Variants in SYCP2L observed in about 807,000 individuals in gnomAD.
SYCP2L encodes the protein synaptonemal complex protein 2 like.
A neutral mutation model predicts 125.8 loss-of-function variants in SYCP2L; 98 were observed. The ratio of observed to expected loss-of-function variants is 0.78; its 90% CI spans 0.66 to 0.92. SYCP2L has a LOEUF of 0.92. Ranked by LOEUF, SYCP2L falls within the 40% of genes least tolerant of loss-of-function variation. The probability of loss-of-function intolerance (pLI) is 0.00; values close to 1 mark genes in which losing one functional copy is unlikely to be tolerated. For missense variants in SYCP2L, 842 were observed against 936.4 expected (o/e 0.90, Z 1.32); for synonymous variants, 317 against 325.4 (o/e 0.97, Z 0.28).
At chr6:10,930,124 C>A (rs1181768294) in intron 18 of SYCP2L, 11 of 317,022 alleles carry the variant, frequency 3.5e-5, no homozygotes, top group Admixed American at 2.4e-4. Context: ...TCCACCATCT[C>A]TTCTGTTGCA....
intron 29 of SYCP2L, among the ~76,000 whole-genome samples, chr6:10,967,247 C>A (rs1466480790): frequency 6.6e-6 from 1 of 151,862 alleles, no homozygotes; most frequent in Non-Finnish European, 1.5e-5. Flanking sequence ...AATAAGTAAT[C>A]CATAAACAAA....
chr6:10,910,177 C>T lies in SYCP2L; in HGVS notation c.849C>T (p.Asn283=), dbSNP rs1461206910. ...TDSRRFLNHL[N]NRLGDQRRVY... ...GTAGACGTTTTCTCAATCACCTAAACAACAGACTTGGTGACCAAAGAAGGT... is the reference window on the plus strand; with the variant it reads ...GTAGACGTTTTCTCAATCACCTAAATAACAGACTTGGTGACCAAAGAAGGT... Residue 283 remains asparagine, a synonymous_variant, in exon 11 of 30, where the codon AAC becomes AAT. Coordinates refer to ENST00000283141, the MANE Select transcript of SYCP2L (RefSeq NM_001040274.3). The T allele has an allele frequency of 6.2e-7, 1 of 1,613,774 alleles. No individual in the cohort carries two copies. The highest frequency in any genetic ancestry group is 8.5e-7 in the Non-Finnish European group (1 of 1,179,870).
rs1477489548 is a variant in SYCP2L at position 10,961,287 on chromosome 6, T to A, written c.2256-18T>A. The stretch of plus-strand genomic sequence containing the variant: ...TCCAAGCGATCCCAATGATATTTAC[T>A]GCTTTTATGTTTATTAGACTCAATA... On this transcript the variant is annotated intron_variant, in intron 26 of 29. Coordinates refer to ENST00000283141, the MANE Select transcript of SYCP2L (RefSeq NM_001040274.3). 7.5e-6 allele frequency: 12 copies of A among 1,599,906 alleles called. No homozygotes were observed. The highest frequency in any genetic ancestry group is 1.7e-4 in the Middle Eastern group (1 of 6,038).
At chr6:10,917,807 G>A (rs1780716701) in intron 14 of SYCP2L, among the ~76,000 whole-genome samples, 1 of 152,144 alleles carries the variant, frequency 6.6e-6, no homozygotes. Context: ...AAGATTTAGA[G>A]CTCCTTTTAG....
chr6:10,962,487 G>C (rs1344921637), intron 28 of SYCP2L, among the ~76,000 whole-genome samples: 3 of 152,094 alleles, frequency 2.0e-5, no homozygotes, highest in Non-Finnish European at 4.4e-5. Flanking sequence ...ATGGTTGGTA[G>C]TTAGTGGTTC....
chr6:10,924,542 G>C lies in SYCP2L; in HGVS notation c.1119G>C (p.Met373Ile). The C allele has an allele frequency of 6.2e-7, 1 of 1,600,300 alleles. No individual in the cohort carries two copies. Among genetic ancestry groups the C allele is most frequent in the Non-Finnish European group, 8.5e-7 (1 of 1,176,306 alleles). ...TTATCATTTACCTGAAGAAGCCCAT[G>C]ATTATCAGCTACAAAGAAGTCATGA... ...KIFIIYLKKP[M>I]IISYKEVMKI... Residue 373 changes from methionine to isoleucine, a missense_variant, in exon 15 of 30, where the codon ATG becomes ATC. Met to Ile is a conservative substitution (Grantham distance 10). Coordinates refer to ENST00000283141, the MANE Select transcript of SYCP2L (RefSeq NM_001040274.3).
At chr6:10,950,907 A>C (rs1581841154) in intron 23 of SYCP2L, among the ~76,000 whole-genome samples, 1 of 151,944 alleles carries the variant, frequency 6.6e-6, no homozygotes, top group Non-Finnish European at 1.5e-5. Flanking sequence ...GCAATCTGTC[A>C]CCTCAGCCTC....
At chr6:10,971,611 ATTCTTCCAAAGATTATTGT>A (rs1328130415) in intron 29 of SYCP2L, among the ~76,000 whole-genome samples, 1 of 152,202 alleles carries the variant, frequency 6.6e-6, no homozygotes, top group African/African-American at 2.4e-5. Flanking sequence ...TTGGGAGTAT[ATTCTTCCAAAGATTATTGT>A]GATGCTTACA....
At position 10,931,364 on chromosome 6, in the gene SYCP2L, T is replaced by C. The variant is rs532686853; in HGVS notation, c.1634-76T>C. ...GGGAATTGCTTTTAGTGTTAGCATA[T>C]TGGGAGACGGAGTAGAGAATTTTTA... is the stretch of plus-strand genomic sequence containing the variant. On this transcript the variant is annotated intron_variant, in intron 19 of 29. Transcript: ENST00000283141. 202 of 1,424,006 alleles carry C rather than the reference T, an allele frequency of 1.4e-4. 2 individuals carry two copies. The South Asian group carries it at 2.3e-3, about 16-fold the overall frequency. 88.2% of individuals were successfully genotyped at this position (1,424,006 alleles called of 1,614,324 possible). A position where few individuals can be genotyped will look rare whatever the true frequency, so the allele number is the denominator to read the frequency against.
intron 2 of SYCP2L, 24 bp downstream of exon 2, chr6:10,891,605 ATCTC>A (rs57417123): frequency 0.29 from 242,241 of 836,108 alleles, 95,865 homozygotes; most frequent in Non-Finnish European, 0.34. Flanking sequence ...TTCTTTTATA[ATCTC>A]TCTCTGTGTG....
chr6:10,957,785 C>G (rs1781524935), intron 25 of SYCP2L, among the ~76,000 whole-genome samples: 1 of 152,142 alleles, frequency 6.6e-6, no homozygotes, highest in African/African-American at 2.4e-5. Context: ...CCGCTGTGCT[C>G]CAGCCTAGGC....
In SYCP2L at chr6:10,902,722, T is replaced by A; in HGVS notation, c.512T>A (p.Leu171Gln). 1 of 1,614,226 alleles carries A rather than the reference T, an allele frequency of 6.2e-7. No homozygotes were observed. The highest frequency in any genetic ancestry group is 1.1e-5 in the South Asian group (1 of 91,078). ...TCCTTCCTACTTAGCTTAGGATTCC[T>A]GGTGACAGAAAAGACTGTAAATCAT... The part of the protein sequence containing the change: ...LDSFLLSLGF[L>Q]VTEKTVNHLL... Residue 171 changes from leucine to glutamine, a missense_variant, in exon 7 of 30, where the codon CTG (leucine) becomes CAG (glutamine). Leu to Gln is a moderately radical substitution (Grantham distance 113, BLOSUM62 -2). Coordinates refer to ENST00000283141, the MANE Select transcript of SYCP2L (RefSeq NM_001040274.3).
Position 10,963,796 on chromosome 6 carries a change from A to G in SYCP2L, c.2429A>G (p.Gln810Arg), listed in dbSNP as rs1317940783. ...ATTTCTTCCAGGTTCAATTCAACTC[A>G]GACTTCATAAGAAAGCCAAAGCCTG... ...DLQVLRFNST[Q>R]TS The change falls in exon 29 of 30, where the codon CAG becomes CGG. Residue 810 changes from glutamine to arginine, a missense_variant. Coordinates refer to ENST00000283141, the MANE Select transcript of SYCP2L (RefSeq NM_001040274.3). The G allele has an allele frequency of 6.2e-7, 1 of 1,613,926 alleles. No individual in the cohort carries two copies. Among genetic ancestry groups the G allele is most frequent in the Admixed American group, 1.7e-5 (1 of 60,010 alleles).
intron 26 of SYCP2L, 39 bp from the exon 27 acceptor site, chr6:10,961,266 A>G (rs764086354): frequency 2.0e-4 from 306 of 1,532,324 alleles, no homozygotes; most frequent in Non-Finnish European, 1.8e-4. Flanking sequence ...GTCACATCCA[A>G]GCGATCCCAA....
At chr6:10,943,010 C>T (rs1237540213) in intron 23 of SYCP2L, among the ~76,000 whole-genome samples, 1 of 152,124 alleles carries the variant, frequency 6.6e-6, no homozygotes, top group Non-Finnish European at 1.5e-5. Context: ...ACCAGCCAGT[C>T]ACACCTTCTC....
intron 14 of SYCP2L, among the ~76,000 whole-genome samples, chr6:10,917,159 C>A (rs1268646188): frequency 6.6e-6 from 1 of 152,154 alleles, no homozygotes; most frequent in Non-Finnish European, 1.5e-5. Context: ...CTGTTAAGTT[C>A]ATTTGTTCCA....
At chr6:10,939,059 G>A (rs1301884206) in intron 21 of SYCP2L, among the ~76,000 whole-genome samples, 8 of 152,040 alleles carry the variant, frequency 5.3e-5, no homozygotes, top group Non-Finnish European at 1.5e-5. Context: ...GGTGCAGGTT[G>A]CAGTGAGCTG....
rs1242406549 is a variant in SYCP2L, at chr6:10,906,020, G to T, written c.642G>T (p.Met214Ile). The change falls in exon 9 of 30, where the codon ATG becomes ATT. Residue 214 changes from methionine to isoleucine, a missense_variant and splice_region_variant. Physicochemically the swap from Met to Ile is conservative, Grantham distance 10. Transcript: ENST00000283141. ...AATGTGATTTATCTAAATGTTTCAG[G>T]AAAGACCTTGCAAGGACACTCTTGA... is the stretch of plus-strand genomic sequence containing the variant. ...FPLSEGMCHL[M>I]KDLARTLLTV... 6.3e-7 allele frequency: 1 copy of T among 1,597,942 alleles called. No homozygotes were observed. Among genetic ancestry groups the T allele is most frequent in the East Asian group, 2.2e-5 (1 of 44,608 alleles).
intron 10 of SYCP2L, among the ~76,000 whole-genome samples, chr6:10,909,706 G>A (rs188457043): frequency 3.3e-5 from 5 of 152,332 alleles, no homozygotes; most frequent in Admixed American, 1.3e-4. Flanking sequence ...AAAGTTGGCC[G>A]TAGATAATAC....
Sources: gnomAD v4.1 joint callset for allele counts (sites outside exome capture counted in the v4.1 genomes callset) on GRCh38, gnomAD v4.1.1 for gene constraint, MANE v1.5 for transcripts, NCBI Gene and HGNC (gene_info 2026-07-23, HGNC 2026-07-21) for gene names.